The following KCNK10 variants were observed in gnomAD, a reference collection of about 807,000 sequenced individuals.
KCNK10 encodes the protein potassium channel subfamily K member 10.
Under a neutral mutation model 47.7 loss-of-function variants are expected in KCNK10, and 25 were observed. That is an observed-to-expected ratio of 0.52 (90% confidence interval 0.38 to 0.73). The LOEUF is 0.73. Ranked by LOEUF, KCNK10 falls within the 30% of genes least tolerant of loss-of-function variation. The pLI is 0.00. For synonymous variants in KCNK10, 303 were observed against 285.6 expected (o/e 1.06, Z -0.61); for missense variants, 563 against 714.5 (o/e 0.79, Z 2.42).
In KCNK10 at chr14:88,186,140, C is replaced by T. The variant is rs747019638; in HGVS notation, c.1027G>A (p.Ala343Thr). ...KTKEEVGEIK[A>T]HAAEWKANVT... ...TTGGCCTTCCACTCTGCCGCATGGGCCTTGATTTCACCCACCTGGCCAAGA... is the reference window on the plus strand; with the variant it reads ...TTGGCCTTCCACTCTGCCGCATGGGTCTTGATTTCACCCACCTGGCCAAGA... The change falls in exon 7 of 7, where the codon GCC (alanine) becomes ACC (threonine). Residue 343 changes from alanine to threonine, a missense_variant. Coordinates refer to ENST00000319231, the MANE Select transcript of KCNK10 (RefSeq NM_138317.3). The surrounding 1 kb of genome is among the most constrained non-coding windows in gnomAD (Gnocchi z 5.5). 1.3e-6 allele frequency: 2 copies of T among 1,587,662 alleles called. No individual in the cohort carries two copies. The highest frequency in any genetic ancestry group is 2.2e-5 in the East Asian group (1 of 44,502).
At chr14:88,238,501 T>C (rs188615220) in intron 3 of KCNK10, among the ~76,000 whole-genome samples, 4 of 152,194 alleles carry the variant, frequency 2.6e-5, no homozygotes, top group Admixed American at 2.6e-4. Flanking sequence ...TGAAACCCCA[T>C]CTCTAGAAAA....
chr14:88,323,113 C>T lies in KCNK10; in HGVS notation c.-315G>A. The stretch of plus-strand genomic sequence containing the variant: ...GGCTTGGGGAGATGGAAGAGCCAAG[C>T]TGCTTCCCAAAAGCGGTGCCGGCAG... On this transcript the variant is annotated 5_prime_UTR_variant, in exon 1 of 7. Transcript: ENST00000319231. 8.4e-7 allele frequency: 1 copy of T among 1,196,332 alleles called. No individual in the cohort carries two copies. Among genetic ancestry groups the T allele is most frequent in the African/African-American group, 1.6e-5 (1 of 63,876 alleles). 74.1% of individuals were successfully genotyped at this position (1,196,332 alleles called of 1,614,324 possible).
intron 4 of KCNK10, among the ~76,000 whole-genome samples, chr14:88,209,933 C>A (rs1463490325): frequency 2.0e-5 from 3 of 152,188 alleles, no homozygotes; most frequent in Non-Finnish European, 4.4e-5. Flanking sequence ...TAGCTTTAAG[C>A]CCCTATGCTT....
In KCNK10 at chr14:88,215,283, C is replaced by T. The variant is rs543571306; in HGVS notation, c.681+12092G>A. Among the ~76,000 whole-genome samples the T allele has an allele frequency of 2.6e-4, 39 of 152,182 alleles. No individual in the cohort carries two copies. In the South Asian group the frequency reaches 3.3e-3, roughly 13 times the overall value. ...TAATTGACTCACAGTTCCGCATGGC[C>T]GAGGAAGCCTCAGGAAACTTACAAT... is the stretch of plus-strand genomic sequence containing the variant. On this transcript the variant is annotated intron_variant, in intron 4 of 6. Coordinates refer to ENST00000319231, the MANE Select transcript of KCNK10 (RefSeq NM_138317.3).
intron 5 of KCNK10, among the ~76,000 whole-genome samples, chr14:88,190,059 C>T (rs1884697284): frequency 6.6e-6 from 1 of 152,162 alleles, no homozygotes; most frequent in African/African-American, 2.4e-5. Context: ...AGGTTGTGCC[C>T]TTACTAGGTA....
intron 2 of KCNK10, among the ~76,000 whole-genome samples, chr14:88,250,325 C>T (rs142560999): frequency 3.9e-4 from 60 of 152,286 alleles, no homozygotes; most frequent in African/African-American, 1.4e-3. Flanking sequence ...TGATCTTGCA[C>T]ACATTGAAGC....
intron 1 of KCNK10, among the ~76,000 whole-genome samples, chr14:88,312,269 T>C (rs536233687): frequency 2.6e-5 from 4 of 152,212 alleles, no homozygotes; most frequent in African/African-American, 9.6e-5. Flanking sequence ...GCATCCTGCT[T>C]CCTGGAAATC....
chr14:88,207,724 A>G (rs1465649146), intron 4 of KCNK10, among the ~76,000 whole-genome samples: 2 of 152,190 alleles, frequency 1.3e-5, no homozygotes, highest in African/African-American at 4.8e-5. Context: ...GCCATGTGCT[A>G]GCACCTGAAG....
intron 3 of KCNK10, among the ~76,000 whole-genome samples, chr14:88,232,890 A>G (rs1344081131): frequency 6.6e-6 from 1 of 152,220 alleles, no homozygotes; most frequent in Non-Finnish European, 1.5e-5. Flanking sequence ...ACCACAGAGG[A>G]AACAGCTCCT....
rs71126969 is a variant in KCNK10 at position 88,197,859 on chromosome 14, G to GGAGAGAGAGA, written c.682-5459_682-5450dup. ...AAACAGAAGGAAGGAAGGAGGGAAG[G>GGAGAGAGAGA]GAGAGAGAGAGAGAGAGAGAGAGAG... On this transcript the variant is annotated intron_variant, in intron 4 of 6. Coordinates refer to ENST00000319231, the MANE Select transcript of KCNK10 (RefSeq NM_138317.3). Among the ~76,000 whole-genome samples the GGAGAGAGAGA allele has an allele frequency of 1.5e-3, 183 of 125,410 alleles. 1 individual carries two copies. Among genetic ancestry groups the GGAGAGAGAGA allele is most frequent in the African/African-American group, 5.5e-3 (168 of 30,280 alleles). The allele number at this position is 125,410 out of a possible 152,430, so 82.3% of individuals were successfully genotyped here.
intron 2 of KCNK10, among the ~76,000 whole-genome samples, chr14:88,243,771 A>G (rs935963887): frequency 4.0e-5 from 6 of 151,874 alleles, no homozygotes; most frequent in African/African-American, 1.5e-4. Context: ...ACAAGAAGAA[A>G]TAAAGCGACA....
intron 4 of KCNK10, among the ~76,000 whole-genome samples, chr14:88,206,589 G>A (rs1885282157): frequency 6.6e-6 from 1 of 152,180 alleles, no homozygotes; most frequent in South Asian, 2.1e-4. Context: ...CCACACCACT[G>A]GAGAAAAAGT....
intron 4 of KCNK10, among the ~76,000 whole-genome samples, chr14:88,222,398 G>A (rs1252654144): frequency 6.6e-6 from 1 of 152,182 alleles, no homozygotes; most frequent in Non-Finnish European, 1.5e-5. Context: ...AGGAGAACGG[G>A]ATTGATGAAC....
At chr14:88,203,584 A>G (rs1885171076) in intron 4 of KCNK10, among the ~76,000 whole-genome samples, 1 of 152,156 alleles carries the variant, frequency 6.6e-6, no homozygotes, top group Non-Finnish European at 1.5e-5. Flanking sequence ...CTAAATCTTA[A>G]AAGTCTTGTT....
chr14:88,225,996 ACT>A (rs1236313206), intron 4 of KCNK10, among the ~76,000 whole-genome samples: 2 of 152,076 alleles, frequency 1.3e-5, no homozygotes, highest in African/African-American at 4.8e-5. Context: ...TTCCAGTAAA[ACT>A]CACACACCAC....
intron 1 of KCNK10, among the ~76,000 whole-genome samples, chr14:88,306,579 C>T (rs12895478): frequency 0.53 from 80,672 of 151,694 alleles, 25,122 homozygotes; most frequent in Non-Finnish European, 0.7. Context: ...GCTGGTACCA[C>T]GCCTTTTCCT....
At chr14:88,258,167 T>C (rs961101590) in intron 2 of KCNK10, among the ~76,000 whole-genome samples, 8 of 152,188 alleles carry the variant, frequency 5.3e-5, no homozygotes, top group African/African-American at 1.9e-4. Context: ...TGTGAGCATT[T>C]ACCGTGTGCC....
chr14:88,251,224 C>T (rs1234788424), intron 2 of KCNK10, among the ~76,000 whole-genome samples: 1 of 108,494 alleles, frequency 9.2e-6, no homozygotes, highest in Non-Finnish European at 1.7e-5. Flanking sequence ...CAGAGCAAGA[C>T]TCTGTCTCAA....
At chr14:88,279,211 C>T (rs188200201) in intron 1 of KCNK10, among the ~76,000 whole-genome samples, 4 of 152,250 alleles carry the variant, frequency 2.6e-5, no homozygotes, top group African/African-American at 4.8e-5. Context: ...ATCCTATGCT[C>T]TAAGGGAACT....
Sources: gnomAD v4.1 joint callset for allele counts (sites outside exome capture counted in the v4.1 genomes callset) on GRCh38, gnomAD v4.1.1 for gene constraint, Gnocchi (gnomAD v3.1) non-coding constraint, MANE v1.5 for transcripts, NCBI Gene and HGNC (gene_info 2026-07-23, HGNC 2026-07-21) for gene names.